GABRG3: variants seen among roughly 807,000 people sequenced by gnomAD.
GABRG3 encodes gamma-aminobutyric acid type A receptor subunit gamma3.
GABRG3 carries 25 observed loss-of-function variants against 48.8 expected under a neutral mutation model. The observed-to-expected ratio is 0.51, with a 90% CI of 0.37 to 0.72. The LOEUF is 0.72. Ranked by LOEUF, GABRG3 falls within the 30% of genes least tolerant of loss-of-function variation. The probability of loss-of-function intolerance (pLI) is 0.00; values close to 1 mark genes in which losing one functional copy is unlikely to be tolerated. For missense variants in GABRG3, 394 were observed against 577.9 expected, an observed-to-expected ratio of 0.68 and a Z score of 3.26; for synonymous variants, 227 against 217.6, an observed-to-expected ratio of 1.04 and a Z score of -0.38.
intron 3 of GABRG3, among the ~76,000 whole-genome samples, chr15:27,080,995 C>T (rs1896984076): frequency 6.6e-6 from 1 of 152,184 alleles, no homozygotes; most frequent in Admixed American, 6.5e-5. Context: ...AGGCAGGCCA[C>T]CCCACTCAGG....
chr15:26,979,960 C>T (rs1044322745), intron 2 of GABRG3, among the ~76,000 whole-genome samples: 7 of 152,100 alleles, frequency 4.6e-5, no homozygotes, highest in African/African-American at 1.7e-4. Context: ...CAGTGATACC[C>T]TCTGGGCCAG....
intron 5 of GABRG3, among the ~76,000 whole-genome samples, chr15:27,472,357 C>T (rs1375296641): frequency 1.3e-5 from 2 of 152,102 alleles, no homozygotes; most frequent in South Asian, 2.1e-4. Context: ...CTCACTGCAA[C>T]CTCTGCCTCC....
chr15:27,049,181 C>T (rs1254518464), intron 3 of GABRG3, among the ~76,000 whole-genome samples: 3 of 152,332 alleles, frequency 2.0e-5, no homozygotes, highest in South Asian at 2.1e-4. Context: ...TGTGCGTAAC[C>T]GTTTTTGATT....
intron 3 of GABRG3, among the ~76,000 whole-genome samples, chr15:27,048,552 A>G (rs1001359176): frequency 6.6e-6 from 1 of 152,116 alleles, no homozygotes; most frequent in African/African-American, 2.4e-5. Flanking sequence ...GGTCTTATGA[A>G]GATCTTAGGT....
At chr15:27,199,367 A>T (rs2140427778) in intron 3 of GABRG3, among the ~76,000 whole-genome samples, 1 of 152,210 alleles carries the variant, frequency 6.6e-6, no homozygotes, top group Non-Finnish European at 1.5e-5. Flanking sequence ...TTCCCGTTTG[A>T]TGGAGTATGA....
chr15:27,515,678 GATGTTT>G (rs1231306546), intron 6 of GABRG3, among the ~76,000 whole-genome samples: 1 of 152,158 alleles, frequency 6.6e-6, no homozygotes, highest in Non-Finnish European at 1.5e-5. Flanking sequence ...AGACTCAAAG[GATGTTT>G]TTGGTGCCAG....
intron 5 of GABRG3, chr15:27,340,597 A>G (rs1458690062): frequency 1.3e-5 from 2 of 154,156 alleles, no homozygotes; most frequent in African/African-American, 4.8e-5. Flanking sequence ...AAATTTTGCA[A>G]AAATAACAAG....
At chr15:27,439,187 G>A (rs1490893612) in intron 5 of GABRG3, among the ~76,000 whole-genome samples, 1 of 152,104 alleles carries the variant, frequency 6.6e-6, no homozygotes, top group East Asian at 1.9e-4. Flanking sequence ...CCTCCAAACG[G>A]GAGATGAATC....
intron 3 of GABRG3, among the ~76,000 whole-genome samples, chr15:27,270,714 T>A (rs1219312500): frequency 6.6e-6 from 1 of 151,886 alleles, no homozygotes; most frequent in Non-Finnish European, 1.5e-5. Flanking sequence ...ATTTCAAGAG[T>A]GTTAGAGATG....
chr15:27,065,919 C>G (rs1203703209), intron 3 of GABRG3, among the ~76,000 whole-genome samples: 1 of 152,154 alleles, frequency 6.6e-6, no homozygotes, highest in Non-Finnish European at 1.5e-5. Context: ...AAATCCTGGT[C>G]AATTTAGACA....
At chr15:27,210,469 C>T (rs1472391342) in intron 3 of GABRG3, among the ~76,000 whole-genome samples, 10 of 152,332 alleles carry the variant, frequency 6.6e-5, no homozygotes, top group South Asian at 2.1e-4. Flanking sequence ...CCATCACACA[C>T]GCGCACCTGC....
chr15:27,485,759 A>C (rs1890205961), intron 6 of GABRG3, among the ~76,000 whole-genome samples: 1 of 152,136 alleles, frequency 6.6e-6, no homozygotes, highest in African/African-American at 2.4e-5. Context: ...AATCATGGCA[A>C]CCAGAAGACA....
rs972846186 is a variant in GABRG3, at chr15:27,541,220, G to C, written c.*8339G>C. ...CACCTGGGCGACTCCTTGATCATTC[G>C]TGCATTCTGGTCAAGTTGACCCGAT... On this transcript the variant is annotated 3_prime_UTR_variant, in exon 10 of 10. Transcript: ENST00000615808. The C allele has an allele frequency of 6.6e-6, 1 of 152,190 alleles. No individual in the cohort carries two copies. Among genetic ancestry groups the C allele is most frequent in the African/African-American group, 2.4e-5 (1 of 41,450 alleles). The allele number at this position is 152,190 out of a possible 1,614,324, so 9.4% of individuals were successfully genotyped here.
At chr15:27,209,696 G>A (rs1479446958) in intron 3 of GABRG3, among the ~76,000 whole-genome samples, 1 of 152,186 alleles carries the variant, frequency 6.6e-6, no homozygotes. Context: ...GAGGCCACAG[G>A]AACCCTAGGA....
At chr15:27,276,369 G>T (rs1595631252) in intron 3 of GABRG3, among the ~76,000 whole-genome samples, 1 of 152,294 alleles carries the variant, frequency 6.6e-6, no homozygotes, top group African/African-American at 2.4e-5. Flanking sequence ...CAAATGTGGT[G>T]GTTTAGTTTC....
At chr15:27,194,053 T>A (rs186649275) in intron 3 of GABRG3, among the ~76,000 whole-genome samples, 1 of 152,354 alleles carries the variant, frequency 6.6e-6, no homozygotes, top group African/African-American at 2.4e-5. Context: ...TTATTTATAA[T>A]GTCTTTCAAT....
intron 3 of GABRG3, among the ~76,000 whole-genome samples, chr15:27,049,429 A>C (rs1303790596): frequency 1.3e-5 from 2 of 152,158 alleles, no homozygotes; most frequent in Non-Finnish European, 2.9e-5. Context: ...AGTTTCTTCC[A>C]GTTTCTAATC....
At chr15:27,529,607 C>T (rs961774080) in intron 9 of GABRG3, among the ~76,000 whole-genome samples, 2 of 152,150 alleles carry the variant, frequency 1.3e-5, no homozygotes, top group Middle Eastern at 3.4e-3. Context: ...AAGTGTGGAT[C>T]GTGATAGTTC....
chr15:27,074,141 A>C (rs1007431007), intron 3 of GABRG3, among the ~76,000 whole-genome samples: 1 of 152,076 alleles, frequency 6.6e-6, no homozygotes, highest in Non-Finnish European at 1.5e-5. Flanking sequence ...CTACCAGGAG[A>C]ACAGTATTGA....
Sources: gnomAD v4.1 joint callset for allele counts (sites outside exome capture counted in the v4.1 genomes callset) on GRCh38, gnomAD v4.1.1 for gene constraint, MANE v1.5 for transcripts, NCBI Gene and HGNC (gene_info 2026-07-23, HGNC 2026-07-21) for gene names.